Variants in DNAAF9 observed in about 807,000 individuals in gnomAD.
DNAAF9 encodes dynein axonemal assembly factor 9, also known as shulin.
In DNAAF9, 90 loss-of-function variants were observed where a neutral mutation model predicts 167.0. That is an observed-to-expected ratio of 0.54 (90% confidence interval 0.45 to 0.64). The LOEUF is 0.64. Ranked by LOEUF, DNAAF9 falls within the 30% of genes least tolerant of loss-of-function variation. The pLI, the probability that DNAAF9 is intolerant of heterozygous loss-of-function variation, is 0.00. For synonymous variants in DNAAF9, 491 were observed against 508.8 expected, an observed-to-expected ratio of 0.96 and a Z score of 0.47; for missense variants, 1,315 against 1,442.2, an observed-to-expected ratio of 0.91 and a Z score of 1.43.
intron 8 of DNAAF9, among the ~76,000 whole-genome samples, chr20:3,347,968 T>C (rs143712730): frequency 6.6e-6 from 1 of 152,098 alleles, no homozygotes; most frequent in African/African-American, 2.4e-5. Flanking sequence ...CTCCATACCA[T>C]CAGCAGGAGG....
intron 10 of DNAAF9, among the ~76,000 whole-genome samples, chr20:3,332,783 C>T (rs1360468570): frequency 3.3e-5 from 5 of 152,202 alleles, no homozygotes; most frequent in Admixed American, 2.0e-4. Context: ...TTTTCTTCTA[C>T]AAAACAGATT....
At chr20:3,352,340 G>C (rs1028404933) in intron 7 of DNAAF9, among the ~76,000 whole-genome samples, 1 of 152,134 alleles carries the variant, frequency 6.6e-6, no homozygotes. Context: ...GGTCCAATCA[G>C]TGCCCCTGTA....
At chr20:3,355,490 C>T (rs995451962) in intron 7 of DNAAF9, among the ~76,000 whole-genome samples, 3 of 151,876 alleles carry the variant, frequency 2.0e-5, no homozygotes, top group Non-Finnish European at 4.4e-5. Context: ...TATGAGATCA[C>T]TTGAACCCAG....
At position 3,326,217 on chromosome 20, in the gene DNAAF9, T is replaced by C. The variant is rs763503979; in HGVS notation, c.1168A>G (p.Lys390Glu). ...ATTACCTTTGTTAGACTGGAAGTTT[T>C]AGCATAACATGCAATGCCAGCCAAA... Reference protein sequence around the residue: ...AVLAGIACYAKTSSLTKAKEV... With the variant: ...AVLAGIACYAETSSLTKAKEV... The change falls in exon 13 of 37, where the codon AAA (lysine) becomes GAA (glutamate). Residue 390 changes from lysine (K) to glutamate (E), a missense_variant. By Grantham distance (56) the Lys-to-Glu change is moderately conservative. Coordinates refer to ENST00000252032, the MANE Select transcript of DNAAF9 (RefSeq NM_001009984.3). 2.5e-6 allele frequency: 4 copies of C among 1,610,232 alleles called. No homozygotes were observed. The East Asian group carries it at 8.9e-5, about 36-fold the overall frequency.
intron 1 of DNAAF9, among the ~76,000 whole-genome samples, chr20:3,399,335 G>A (rs917043846): frequency 6.6e-6 from 1 of 151,938 alleles, no homozygotes; most frequent in African/African-American, 2.4e-5. Context: ...TCAGCCTCCG[G>A]AGTAGCTGGA....
At chr20:3,269,016 C>G (rs6076498) in intron 30 of DNAAF9, among the ~76,000 whole-genome samples, 85,807 of 150,094 alleles carry the variant, frequency 0.57, 24,586 homozygotes, top group Admixed American at 0.6. Flanking sequence ...CCGTTCTCCT[C>G]CCTCAGCCTC....
At position 3,387,135 on chromosome 20, in the gene DNAAF9, G is replaced by GTT. The variant is rs1210214744; in HGVS notation, c.84-4631_84-4630dup. Among the ~76,000 whole-genome samples the GTT allele has an allele frequency of 4.4e-4, 67 of 152,226 alleles. 1 individual carries two copies. Among genetic ancestry groups the GTT allele is most frequent in the Admixed American group, 3.4e-3 (52 of 15,280 alleles). ...TAATCCCTTCTCAAATCCCAATGAT[G>GTT]TTTTTTACAGAAGTAGAAAAATCCA... On this transcript the variant is annotated intron_variant, in intron 1 of 36. Transcript: ENST00000252032.
chr20:3,405,308 C>G (rs1337931138), intron 1 of DNAAF9, among the ~76,000 whole-genome samples: 2 of 152,176 alleles, frequency 1.3e-5, no homozygotes, highest in Non-Finnish European at 2.9e-5. Flanking sequence ...TTGCAGAGTA[C>G]TATCTATGGG....
chr20:3,266,541 G>A (rs990552652), intron 30 of DNAAF9, among the ~76,000 whole-genome samples: 56 of 151,730 alleles, frequency 3.7e-4, no homozygotes, highest in African/African-American at 1.3e-3. Context: ...GCAGTGGCGC[G>A]GTCTCGGCCC....
chr20:3,295,184 T>G (rs1226202778), intron 23 of DNAAF9, among the ~76,000 whole-genome samples: 1 of 149,474 alleles, frequency 6.7e-6, no homozygotes, highest in Non-Finnish European at 1.5e-5. Flanking sequence ...TTTTTTTTTC[T>G]TTTTTTGAGA....
chr20:3,249,837 G>A lies in DNAAF9; in HGVS notation c.*2735C>T, dbSNP rs1223459622. 1 of 152,102 alleles carries A rather than the reference G, an allele frequency of 6.6e-6. No homozygotes were observed. The highest frequency in any genetic ancestry group is 1.5e-5 in the Non-Finnish European group (1 of 68,038). 9.4% of individuals were successfully genotyped at this position (152,102 alleles called of 1,614,324 possible). A position where few individuals can be genotyped will look rare whatever the true frequency, so the allele number is the denominator to read the frequency against. ...AATTTAGGAGGGAACTTTTTCTTGCGACCTGAAGGGCCCAGTGTCCAGGCT... is the reference window on the plus strand; with the variant it reads ...AATTTAGGAGGGAACTTTTTCTTGCAACCTGAAGGGCCCAGTGTCCAGGCT... On this transcript the variant is annotated 3_prime_UTR_variant, in exon 37 of 37. Transcript: ENST00000252032.
chr20:3,316,835 C>T, intron 17 of DNAAF9, 42 bp from the exon 18 acceptor site: 1 of 1,479,072 alleles, frequency 6.8e-7, no homozygotes. Flanking sequence ...TCCCTACCAG[C>T]TCAGCCTGCC....
chr20:3,315,657 A>C lies in DNAAF9; in HGVS notation c.1590+78T>G. The C allele has an allele frequency of 9.1e-7, 1 of 1,104,034 alleles. No homozygotes were observed. The highest frequency in any genetic ancestry group is 1.2e-5 in the South Asian group (1 of 80,858). 68.4% of individuals were successfully genotyped at this position (1,104,034 alleles called of 1,614,324 possible). ...GTCTTTTAGATTAGTAGTGAGATGA[A>C]GCATTTTAATACCTTTATGAATTGC... On this transcript the variant is annotated intron_variant, in intron 19 of 36. Transcript: ENST00000252032. This position sits in a 1 kb window ranked among gnomAD's most constrained non-coding sequence, Gnocchi z 4.1.
chr20:3,285,550 G>C (rs933730304), intron 27 of DNAAF9, among the ~76,000 whole-genome samples: 11 of 151,952 alleles, frequency 7.2e-5, no homozygotes, highest in African/African-American at 2.4e-4. Flanking sequence ...GTGGTGGTGA[G>C]CACCTGTAAT....
rs2069886601 is a variant in DNAAF9 at position 3,333,872 on chromosome 20, TAC to T, written c.982-1513_982-1512del. ...GTGTTGGCCAGTAGAATGGGATCTA[TAC>T]ACAGAGTCAACATTTCTCTCAGGAA... is the stretch of plus-strand genomic sequence containing the variant. On this transcript the variant is annotated intron_variant, in intron 10 of 36. Transcript: ENST00000252032. Among the ~76,000 whole-genome samples, 6 of 152,332 alleles carry T rather than the reference TAC, an allele frequency of 3.9e-5. No homozygotes were observed. In the South Asian group the frequency reaches 1.2e-3, roughly 32 times the overall value.
chr20:3,316,863 T>C (rs1418109694), intron 17 of DNAAF9, 70 bp from the exon 18 acceptor site: 9 of 798,106 alleles, frequency 1.1e-5, no homozygotes, highest in African/African-American at 3.5e-5. Context: ...CCCCAGACCC[T>C]AAATGCCCTT....
At chr20:3,304,293 C>T (rs997713278) in intron 21 of DNAAF9, 147 bp downstream of exon 21, 90 of 663,852 alleles carry the variant, frequency 1.4e-4, no homozygotes, top group Non-Finnish European at 5.1e-5. Flanking sequence ...TCTCCACGAC[C>T]TCCCTCCCTG....
chr20:3,296,114 T>G (rs1436715708), intron 23 of DNAAF9: 2 of 665,946 alleles, frequency 3.0e-6, no homozygotes, highest in African/African-American at 1.8e-5. Context: ...AAAATGCACT[T>G]TACATGTACA....
chr20:3,303,766 T>G (rs1468934284), intron 21 of DNAAF9, among the ~76,000 whole-genome samples: 1 of 152,230 alleles, frequency 6.6e-6, no homozygotes, highest in African/African-American at 2.4e-5. Context: ...TCTGCTCTGG[T>G]GTTGCACTGA....
Sources: allele counts gnomAD v4.1 joint callset (sites outside exome capture counted in the v4.1 genomes callset), GRCh38; gene constraint gnomAD v4.1.1; non-coding constraint Gnocchi (gnomAD v3.1); transcripts MANE v1.5; gene names NCBI Gene and HGNC (gene_info 2026-07-23, HGNC 2026-07-21).